The following ERI1 variants were observed in gnomAD, a reference collection of about 807,000 sequenced individuals.
ERI1 encodes the protein 3'-5' exoribonuclease 1.
ERI1 carries 39 observed loss-of-function variants against 39.7 expected under a neutral mutation model. That is an observed-to-expected ratio of 0.98 (90% CI 0.76 to 1.28). The LOEUF (loss-of-function observed/expected upper bound fraction) is 1.28. Among genes scored for constraint, ERI1 ranks in the 50% most tolerant of loss-of-function variants. The pLI, the probability that ERI1 is intolerant of heterozygous loss-of-function variation, is 0.00. For synonymous variants in ERI1, 204 were observed against 149.6 expected (o/e 1.36, Z -2.65); for missense variants, 581 against 416.9 (o/e 1.39, Z -3.43).
chr8:9,013,449 C>A (rs187388879), intron 3 of ERI1, among the ~76,000 whole-genome samples: 2 of 151,974 alleles, frequency 1.3e-5, no homozygotes, highest in East Asian at 1.9e-4. Context: ...TCCCCACTTG[C>A]AGTTTTCTTT....
At chr8:9,028,489 G>C (rs1024458893) in intron 6 of ERI1, among the ~76,000 whole-genome samples, 2 of 152,164 alleles carry the variant, frequency 1.3e-5, no homozygotes, top group African/African-American at 2.4e-5. Flanking sequence ...AACCCTATGA[G>C]TAAATATTAG....
intron 1 of ERI1, chr8:9,003,924 G>C (rs1312720854): frequency 6.6e-6 from 3 of 453,716 alleles, no homozygotes; most frequent in South Asian, 3.4e-5. Flanking sequence ...TCCACAGTCA[G>C]TTTCCATCTG....
intron 3 of ERI1, among the ~76,000 whole-genome samples, chr8:9,063,733 A>T (rs1359534804): frequency 6.6e-6 from 1 of 152,196 alleles, no homozygotes; most frequent in Non-Finnish European, 1.5e-5. Flanking sequence ...AACAAGAATT[A>T]TTTAGATCTT....
Position 9,028,091 on chromosome 8 carries a change from G to C in ERI1, c.808-1701G>C, listed in dbSNP as rs1008310309. On this transcript the variant is annotated intron_variant, in intron 6 of 6. Transcript: ENST00000250263. ...TATCAAAGTGATGCTGACCTTAATG[G>C]AATGAGTTGGGAAGTATTTCTTCTT... Among the ~76,000 whole-genome samples, 3 of 152,170 alleles carry C rather than the reference G, an allele frequency of 2.0e-5. No homozygotes were observed. In the South Asian group the frequency reaches 6.2e-4, roughly 32 times the overall value.
intron 3 of ERI1, among the ~76,000 whole-genome samples, chr8:9,065,991 G>A (rs1485080859): frequency 1.3e-5 from 2 of 152,048 alleles, no homozygotes; most frequent in Non-Finnish European, 2.9e-5. Flanking sequence ...AATAGGTCAC[G>A]GCCGCCTTTT....
At chr8:9,004,294 C>G in intron 1 of ERI1, 6 of 1,135,884 alleles carry the variant, frequency 5.3e-6, no homozygotes, top group Non-Finnish European at 5.5e-6. Flanking sequence ...TCAATCTCAT[C>G]CTGTAAGTGG....
intron 6 of ERI1, among the ~76,000 whole-genome samples, chr8:9,021,363 T>G (rs938706987): frequency 1.3e-5 from 2 of 152,220 alleles, no homozygotes; most frequent in Non-Finnish European, 2.9e-5. Flanking sequence ...TCAGGCTTCT[T>G]TTAAAATCAT....
At chr8:9,021,718 C>T (rs149987804) in intron 6 of ERI1, among the ~76,000 whole-genome samples, 184 of 143,868 alleles carry the variant, frequency 1.3e-3, no homozygotes, top group African/African-American at 4.5e-3. Context: ...ATAGTTTTGT[C>T]TGGCTTTGAG....
chr8:9,027,136 G>GGTGTGTGTGT (rs780775904), intron 6 of ERI1, among the ~76,000 whole-genome samples: 3,208 of 137,472 alleles, frequency 0.023, 63 homozygotes, highest in Middle Eastern at 0.031. Flanking sequence ...GTTATTTTCT[G>GGTGTGTGTGT]GTGTGTGTGT....
intron 6 of ERI1, among the ~76,000 whole-genome samples, chr8:9,022,811 G>T (rs1440563015): frequency 2.0e-5 from 3 of 152,054 alleles, no homozygotes; most frequent in Non-Finnish European, 2.9e-5. Context: ...CATGACCCAG[G>T]TTCAACAATT....
At chr8:9,049,675 G>T (rs112322239) in intron 3 of ERI1, 1 of 152,108 alleles carries the variant, frequency 6.6e-6, no homozygotes, top group Non-Finnish European at 1.5e-5. Context: ...TCTGCATTGA[G>T]GGAGGAGACA....
At chr8:9,017,577 A>G (rs1342353862) in intron 4 of ERI1, among the ~76,000 whole-genome samples, 1 of 152,240 alleles carries the variant, frequency 6.6e-6, no homozygotes, top group Non-Finnish European at 1.5e-5. Context: ...GGGCTTCCAT[A>G]TATGACAGAG....
intron 1 of ERI1, among the ~76,000 whole-genome samples, chr8:9,003,665 C>G (rs1025729529): frequency 6.6e-6 from 1 of 152,172 alleles, no homozygotes; most frequent in Non-Finnish European, 1.5e-5. Context: ...TAACTGGTGT[C>G]TCATATAACC....
At chr8:9,076,281 C>T (rs1242634890) in intron 3 of ERI1, among the ~76,000 whole-genome samples, 1 of 152,140 alleles carries the variant, frequency 6.6e-6, no homozygotes, top group Non-Finnish European at 1.5e-5. Context: ...TACAAGCAAG[C>T]CATGTATACA....
intron 3 of ERI1, among the ~76,000 whole-genome samples, chr8:9,089,574 G>T: frequency 6.6e-6 from 1 of 152,154 alleles, no homozygotes; most frequent in Non-Finnish European, 1.5e-5. Context: ...AAGCAGAGAG[G>T]AGCCCCACTG....
At chr8:9,013,149 G>T (rs1457468878) in intron 3 of ERI1, among the ~76,000 whole-genome samples, 2 of 151,756 alleles carry the variant, frequency 1.3e-5, no homozygotes, top group African/African-American at 2.4e-5. Flanking sequence ...TGAGTAGCTG[G>T]GAATACAGGT....
intron 3 of ERI1, among the ~76,000 whole-genome samples, chr8:9,094,333 A>G (rs1799804933): frequency 6.6e-6 from 1 of 152,206 alleles, no homozygotes. Flanking sequence ...CTCAGTGCAG[A>G]CTTGGGCAGC....
In ERI1 at chr8:9,030,808, C is replaced by T. The variant is rs921473081; in HGVS notation, c.*774C>T. On this transcript the variant is annotated 3_prime_UTR_variant, in exon 7 of 7. Transcript: ENST00000250263. ...GCCTTAATTCTTAAATCTGAGGGAC[C>T]ATGCTTTGAAATAGACTGAAAATTA... 3 of 152,050 alleles carry T rather than the reference C, an allele frequency of 2.0e-5. No individual in the cohort carries two copies. Among genetic ancestry groups the T allele is most frequent in the Non-Finnish European group, 2.9e-5 (2 of 68,006 alleles). 9.4% of individuals were successfully genotyped at this position (152,050 alleles called of 1,614,324 possible). A position where few individuals can be genotyped will look rare whatever the true frequency, so the allele number is the denominator to read the frequency against.
chr8:9,033,895 T>C (rs916731092), downstream of ERI1, among the ~76,000 whole-genome samples: 4 of 152,242 alleles, frequency 2.6e-5, no homozygotes, highest in African/African-American at 7.2e-5. Flanking sequence ...TCAATGCGAT[T>C]GTACTAAATG....
Sources: allele counts gnomAD v4.1 joint callset (sites outside exome capture counted in the v4.1 genomes callset), GRCh38; gene constraint gnomAD v4.1.1; transcripts MANE v1.5; gene names NCBI Gene and HGNC (gene_info 2026-07-23, HGNC 2026-07-21).